The following TPH2 variants were observed in gnomAD, a reference collection of about 807,000 sequenced individuals.
The protein encoded by TPH2 is tryptophan 5-hydroxylase 2.
In TPH2, 27 loss-of-function variants were observed where a neutral mutation model predicts 59.1. The observed-to-expected ratio is 0.46, with a 90% CI of 0.34 to 0.63. The LOEUF is 0.63. TPH2 is among the 30% of genes least tolerant of loss of function. The probability of loss-of-function intolerance (pLI) is 0.01; values close to 1 mark genes in which losing one functional copy is unlikely to be tolerated. For missense variants in TPH2, 523 were observed against 588.3 expected (o/e 0.89, Z 1.15); for synonymous variants, 220 against 210.5 (o/e 1.05, Z -0.39).
intron 8 of TPH2, among the ~76,000 whole-genome samples, chr12:72,001,089 A>G (rs925830523): frequency 1.3e-5 from 2 of 152,210 alleles, no homozygotes; most frequent in Non-Finnish European, 2.9e-5. Context: ...GGGGGAAGCA[A>G]TCAGTGTGAA....
chr12:71,990,673 G>A (rs1248520095), intron 7 of TPH2, among the ~76,000 whole-genome samples: 2 of 152,164 alleles, frequency 1.3e-5, no homozygotes, highest in Non-Finnish European at 2.9e-5. Context: ...GTTTATTTCT[G>A]AGAAAGTTTC....
intron 8 of TPH2, among the ~76,000 whole-genome samples, chr12:72,004,050 A>G (rs1428194311): frequency 2.9e-5 from 4 of 138,900 alleles, no homozygotes; most frequent in Non-Finnish European, 3.1e-5. Flanking sequence ...TTATCCATGC[A>G]GAAGCACCAT....
intron 5 of TPH2, chr12:71,965,556 T>C (rs1871795684): frequency 6.6e-6 from 1 of 152,252 alleles, no homozygotes; most frequent in Non-Finnish European, 1.5e-5. Context: ...CTATTTTTCA[T>C]ATGATTATTG....
At chr12:72,015,624 T>C (rs771103048) in intron 8 of TPH2, among the ~76,000 whole-genome samples, 2 of 152,156 alleles carry the variant, frequency 1.3e-5, no homozygotes, top group Non-Finnish European at 2.9e-5. Flanking sequence ...CGGCTTTATG[T>C]GTTTTTATCT....
At position 72,000,536 on chromosome 12, in the gene TPH2, T is replaced by C. The variant is rs555120387; in HGVS notation, c.1068+5971T>C. Among the ~76,000 whole-genome samples the C allele has an allele frequency of 2.6e-5, 4 of 152,264 alleles. No homozygotes were observed. The East Asian group carries it at 7.7e-4, about 29-fold the overall frequency. ...TCTCACATCATGCTGCTGCTGCAGG[T>C]TCAAGGACCACATTTCAGTAGCAGG... is the stretch of plus-strand genomic sequence containing the variant. On this transcript the variant is annotated intron_variant, in intron 8 of 10. Coordinates refer to ENST00000333850, the MANE Select transcript of TPH2 (RefSeq NM_173353.4).
chr12:71,947,798 G>A (rs578037594), intron 4 of TPH2, among the ~76,000 whole-genome samples: 3 of 152,054 alleles, frequency 2.0e-5, no homozygotes, highest in Non-Finnish European at 4.4e-5. Flanking sequence ...AGCTAATGAG[G>A]CATGATGAGT....
chr12:72,025,497 AT>A (rs1566173118), intron 9 of TPH2, among the ~76,000 whole-genome samples: 1 of 152,116 alleles, frequency 6.6e-6, no homozygotes, highest in Admixed American at 6.6e-5. Context: ...GATAACTTTC[AT>A]TTTTTCCTCT....
At chr12:71,989,300 C>T (rs1165750693) in intron 7 of TPH2, among the ~76,000 whole-genome samples, 1 of 152,178 alleles carries the variant, frequency 6.6e-6, no homozygotes, top group Non-Finnish European at 1.5e-5. Flanking sequence ...CAAGTTAATT[C>T]CCCTTATCAT....
rs1414062746 is a variant in TPH2, at chr12:72,030,550, G to T, written c.1165-708G>T. 2.0e-5 allele frequency among the ~76,000 whole-genome samples: 3 copies of T among 152,148 alleles called. No homozygotes were observed. In the South Asian group the frequency reaches 6.2e-4, roughly 32 times the overall value. Reference sequence around the variant, plus strand: ...ATGTAGTGAGCTGAACGGAGCTAATGATGGTTCAAAGAGTAATTACGCCAG... The same window carrying T: ...ATGTAGTGAGCTGAACGGAGCTAATTATGGTTCAAAGAGTAATTACGCCAG... On this transcript the variant is annotated intron_variant, in intron 9 of 10. Transcript: ENST00000333850.
At chr12:71,998,987 A>T (rs1234671974) in intron 8 of TPH2, among the ~76,000 whole-genome samples, 2 of 152,196 alleles carry the variant, frequency 1.3e-5, no homozygotes, top group African/African-American at 4.8e-5. Context: ...GCACTTATGA[A>T]AAAGAGAGTC....
intron 5 of TPH2, chr12:71,962,713 A>T: frequency 1.0e-6 from 1 of 969,286 alleles, no homozygotes; most frequent in Non-Finnish European, 1.2e-6. Context: ...AACAAATATT[A>T]TTTTTTTGTT....
chr12:71,985,029 T>G (rs1360913381), intron 7 of TPH2, among the ~76,000 whole-genome samples: 3 of 152,200 alleles, frequency 2.0e-5, no homozygotes, highest in Non-Finnish European at 4.4e-5. Context: ...CTACTATATA[T>G]CAACTGGACA....
intron 6 of TPH2, among the ~76,000 whole-genome samples, chr12:71,977,966 AC>A (rs1872166629): frequency 6.6e-6 from 1 of 152,170 alleles, no homozygotes; most frequent in Non-Finnish European, 1.5e-5. Context: ...TTTTCACTGT[AC>A]CTTTTCTATG....
intron 5 of TPH2, among the ~76,000 whole-genome samples, chr12:71,959,065 T>TTC (rs1045005625): frequency 6.6e-6 from 1 of 151,310 alleles, no homozygotes; most frequent in African/African-American, 2.4e-5. Flanking sequence ...GAAGGGCATT[T>TTC]TTTTTTTTTT....
At chr12:72,028,198 T>C (rs1363079264) in intron 9 of TPH2, among the ~76,000 whole-genome samples, 1 of 152,226 alleles carries the variant, frequency 6.6e-6, no homozygotes, top group Non-Finnish European at 1.5e-5. Context: ...AGCTTCTCTC[T>C]GCAGGAAGTT....
At chr12:72,023,859 A>G (rs1411999039) in intron 9 of TPH2, among the ~76,000 whole-genome samples, 1 of 142,774 alleles carries the variant, frequency 7.0e-6, no homozygotes, top group Non-Finnish European at 1.6e-5. Flanking sequence ...AACAGCCAGA[A>G]CAAGCATTTA....
intron 8 of TPH2, among the ~76,000 whole-genome samples, chr12:71,998,524 A>G (rs956934681): frequency 6.6e-6 from 1 of 152,160 alleles, no homozygotes; most frequent in African/African-American, 2.4e-5. Context: ...ACAGATTCCA[A>G]CCAGCCAATT....
Position 71,938,926 on chromosome 12 carries a change from A to T in TPH2, c.-61A>T, listed in dbSNP as rs1284512219. The T allele has an allele frequency of 8.5e-6, 12 of 1,413,340 alleles. No individual in the cohort carries two copies. Among genetic ancestry groups the T allele is most frequent in the Non-Finnish European group, 1.1e-5 (11 of 999,960 alleles). 87.5% of individuals were successfully genotyped at this position (1,413,340 alleles called of 1,614,324 possible). A position where few individuals can be genotyped will look rare whatever the true frequency, so the allele number is the denominator to read the frequency against. On this transcript the variant is annotated 5_prime_UTR_variant, in exon 1 of 11. Transcript: ENST00000333850. The stretch of plus-strand genomic sequence containing the variant: ...ACGCCCCTTCCTCTCAATCTCCGCC[A>T]GCGCTGCTACTGCCCCTCTAGTACC...
At chr12:71,946,857 C>G (rs1231877324) in intron 4 of TPH2, among the ~76,000 whole-genome samples, 1 of 152,090 alleles carries the variant, frequency 6.6e-6, no homozygotes, top group African/African-American at 2.4e-5. Flanking sequence ...TAATCACCTT[C>G]GAGATCATTT....
Sources: allele counts gnomAD v4.1 joint callset (sites outside exome capture counted in the v4.1 genomes callset), GRCh38; gene constraint gnomAD v4.1.1; transcripts MANE v1.5; gene names NCBI Gene and HGNC (gene_info 2026-07-23, HGNC 2026-07-21).